TDRP: variants seen among roughly 807,000 people sequenced by gnomAD.
The protein encoded by TDRP is testis development-related protein.
TDRP carries 12 observed loss-of-function variants against 10.5 expected under a neutral mutation model. The ratio of observed to expected loss-of-function variants is 1.15; its 90% CI spans 0.73 to 1.86. TDRP has a LOEUF of 1.86. Among genes scored for constraint, TDRP ranks in the 40% most tolerant of loss-of-function variants. The pLI is 0.00. For missense variants in TDRP, 353 were observed against 229.2 expected, an observed-to-expected ratio of 1.54 and a Z score of -3.49; for synonymous variants, 139 against 95.4, an observed-to-expected ratio of 1.46 and a Z score of -2.67.
At chr8:536,398 T>G (rs1802349279) in intron 1 of TDRP, among the ~76,000 whole-genome samples, 1 of 152,152 alleles carries the variant, frequency 6.6e-6, no homozygotes, top group Non-Finnish European at 1.5e-5. Flanking sequence ...TCAAACTGAG[T>G]TTTTAATTAT....
intron 2 of TDRP, among the ~76,000 whole-genome samples, chr8:493,309 C>G (rs978946142): frequency 1.5e-4 from 23 of 152,240 alleles, no homozygotes; most frequent in African/African-American, 4.6e-4. Flanking sequence ...CACCTGGGAA[C>G]ATTGTTAAGA....
intron 1 of TDRP, among the ~76,000 whole-genome samples, chr8:540,869 T>C (rs1329592071): frequency 6.7e-6 from 1 of 148,830 alleles, no homozygotes; most frequent in Non-Finnish European, 1.5e-5. Context: ...AGGACGGATA[T>C]GATTGCAAAC....
At chr8:542,327 C>A (rs1205803429) in intron 1 of TDRP, among the ~76,000 whole-genome samples, 1 of 152,102 alleles carries the variant, frequency 6.6e-6, no homozygotes, top group African/African-American at 2.4e-5. Context: ...AACGTCAGTA[C>A]ACATTTGTCC....
rs1242196262 is a variant in TDRP, at chr8:490,591, T to G, written c.*1808A>C. ...TAGCCAAAAACAAACCTACACTGAC[T>G]TCCGCTGGAAAGTATTTGCAGAAGT... On this transcript the variant is annotated 3_prime_UTR_variant, in exon 3 of 3. Coordinates refer to ENST00000324079, the MANE Select transcript of TDRP (RefSeq NM_001384899.1). 2 of 152,236 alleles carry G rather than the reference T, an allele frequency of 1.3e-5. No individual in the cohort carries two copies. The highest frequency in any genetic ancestry group is 2.9e-5 in the Non-Finnish European group (2 of 68,036). The allele number at this position is 152,236 out of a possible 1,614,324, so 9.4% of individuals were successfully genotyped here.
At chr8:524,595 G>C (rs1356265727) in intron 1 of TDRP, among the ~76,000 whole-genome samples, 1 of 152,166 alleles carries the variant, frequency 6.6e-6, no homozygotes, top group Non-Finnish European at 1.5e-5. Flanking sequence ...TGAAATAAGT[G>C]TTCTTACATC....
chr8:545,579 T>G (rs1245944659), upstream of TDRP: 2 of 151,622 alleles, frequency 1.3e-5, no homozygotes, highest in Non-Finnish European at 2.9e-5. Flanking sequence ...GAGGGGAAGG[T>G]GGAGGGGGCA....
chr8:539,511 A>G (rs558873078), intron 1 of TDRP, among the ~76,000 whole-genome samples: 1 of 152,340 alleles, frequency 6.6e-6, no homozygotes, highest in East Asian at 1.9e-4. Flanking sequence ...CGAAAGAATG[A>G]GGAAGCTCTT....
chr8:500,082 A>G (rs537591392), intron 1 of TDRP, among the ~76,000 whole-genome samples: 6 of 152,288 alleles, frequency 3.9e-5, no homozygotes, highest in African/African-American at 1.2e-4. Context: ...AACAATGAAG[A>G]CAGATGAGAT....
At chr8:527,285 G>T (rs918855226) in intron 1 of TDRP, among the ~76,000 whole-genome samples, 1 of 152,116 alleles carries the variant, frequency 6.6e-6, no homozygotes, top group East Asian at 1.9e-4. Flanking sequence ...AAAATGAAAA[G>T]ATATTTCATG....
chr8:492,805 C>T (rs955171318), intron 2 of TDRP, 61 bp from the exon 3 acceptor site: 1 of 1,260,082 alleles, frequency 7.9e-7, no homozygotes, highest in Admixed American at 2.6e-5. Flanking sequence ...AAGCTTTATC[C>T]ATTTTACAAA....
chr8:511,843 G>C (rs555222808), intron 1 of TDRP, among the ~76,000 whole-genome samples: 1 of 152,228 alleles, frequency 6.6e-6, no homozygotes, highest in African/African-American at 2.4e-5. Flanking sequence ...ATGGGTCTAA[G>C]AAGGAAATCA....
intron 1 of TDRP, among the ~76,000 whole-genome samples, chr8:532,056 C>G (rs1029569863): frequency 2.0e-5 from 3 of 152,182 alleles, no homozygotes; most frequent in African/African-American, 7.2e-5. Flanking sequence ...TCCAGGAGAA[C>G]AGTTAGGTGT....
At chr8:510,653 A>C (rs377220157) in intron 1 of TDRP, among the ~76,000 whole-genome samples, 2 of 152,332 alleles carry the variant, frequency 1.3e-5, no homozygotes, top group African/African-American at 4.8e-5. Flanking sequence ...ATCTTTCAAA[A>C]ATGAAGGTAA....
At chr8:495,888 G>T (rs893504607) in intron 1 of TDRP, among the ~76,000 whole-genome samples, 2 of 152,202 alleles carry the variant, frequency 1.3e-5, no homozygotes, top group African/African-American at 4.8e-5. Flanking sequence ...AAACTAACCA[G>T]GGACTAAGGG....
intron 1 of TDRP, among the ~76,000 whole-genome samples, chr8:523,623 C>G (rs2116829784): frequency 6.6e-6 from 1 of 152,288 alleles, no homozygotes; most frequent in South Asian, 2.1e-4. Flanking sequence ...ACTAAAGAGC[C>G]CTTGGGCCTT....
chr8:501,718 G>A (rs759380813), intron 1 of TDRP, among the ~76,000 whole-genome samples: 5 of 152,312 alleles, frequency 3.3e-5, no homozygotes, highest in South Asian at 2.1e-4. Flanking sequence ...TCTTAAGCCA[G>A]GTATCCCAAT....
In TDRP at chr8:521,939, T is replaced by C. The variant is rs567890450; in HGVS notation, c.108+22711A>G. 2.6e-5 allele frequency among the ~76,000 whole-genome samples: 4 copies of C among 152,300 alleles called. No homozygotes were observed. In the South Asian group the frequency reaches 8.3e-4, roughly 32 times the overall value. ...TTTTTCAGTCTTTCACCTCCTTCAT[T>C]ATTTCTAAGTACCTTTTTTCTTGAT... On this transcript the variant is annotated intron_variant, in intron 1 of 2. Coordinates refer to ENST00000324079, the MANE Select transcript of TDRP (RefSeq NM_001384899.1).
intron 1 of TDRP, among the ~76,000 whole-genome samples, chr8:501,972 G>C (rs1801315861): frequency 6.6e-6 from 1 of 152,218 alleles, no homozygotes; most frequent in Non-Finnish European, 1.5e-5. Flanking sequence ...GGCATTCAGT[G>C]TCTTAAAGCT....
In TDRP at chr8:490,048, T is replaced by C. The variant is rs1203014891; in HGVS notation, c.*2351A>G. 1 of 152,170 alleles carries C rather than the reference T, an allele frequency of 6.6e-6. No homozygotes were observed. The highest frequency in any genetic ancestry group is 1.5e-5 in the Non-Finnish European group (1 of 68,042). 9.4% of individuals were successfully genotyped at this position (152,170 alleles called of 1,614,324 possible). ...CTATTAAAAAATAAAAAAAGTACAG[T>C]AGAAGGAGCACAGGACAACTCTCTT... On this transcript the variant is annotated 3_prime_UTR_variant, in exon 3 of 3. Coordinates refer to ENST00000324079, the MANE Select transcript of TDRP (RefSeq NM_001384899.1).
Sources: allele counts gnomAD v4.1 joint callset (sites outside exome capture counted in the v4.1 genomes callset), GRCh38; gene constraint gnomAD v4.1.1; transcripts MANE v1.5; gene names NCBI Gene and HGNC (gene_info 2026-07-23, HGNC 2026-07-21).